The following SIPA1L1 variants were observed in gnomAD, a reference collection of about 807,000 sequenced individuals.
SIPA1L1 encodes the protein signal induced proliferation associated 1 like 1.
SIPA1L1 carries 26 observed loss-of-function variants against 162.7 expected under a neutral mutation model. That is an observed-to-expected ratio of 0.16 (90% CI 0.12 to 0.22). The LOEUF (loss-of-function observed/expected upper bound fraction) is 0.22. Among genes scored for constraint, SIPA1L1 ranks in the 10% least tolerant of loss-of-function variants. SIPA1L1 has a pLI of 1.00. For synonymous variants in SIPA1L1, 829 were observed against 837.4 expected (o/e 0.99, Z 0.17); for missense variants, 1,874 against 2,241.0 (o/e 0.84, Z 3.31).
chr14:71,654,947 A>G (rs1323267288), intron 8 of SIPA1L1, among the ~76,000 whole-genome samples: 1 of 152,140 alleles, frequency 6.6e-6, no homozygotes, highest in African/African-American at 2.4e-5. Flanking sequence ...ATTCCTTAGT[A>G]ATATAGTAAA....
At chr14:71,399,744 G>T (rs1371453646) in intron 2 of SIPA1L1, among the ~76,000 whole-genome samples, 1 of 147,444 alleles carries the variant, frequency 6.8e-6, no homozygotes, top group Non-Finnish European at 1.5e-5. Context: ...ATTTTTTTTT[G>T]AGATGCTTGC....
chr14:71,664,756 A>G (rs774427066), intron 10 of SIPA1L1, among the ~76,000 whole-genome samples: 61 of 152,306 alleles, frequency 4.0e-4, no homozygotes, highest in Admixed American at 2.6e-3. Context: ...ACTTACACCT[A>G]CCTGGTATCT....
chr14:71,552,072 C>T (rs1371644568), intron 4 of SIPA1L1, among the ~76,000 whole-genome samples: 1 of 152,138 alleles, frequency 6.6e-6, no homozygotes, highest in East Asian at 1.9e-4. Context: ...AGACTGTAAG[C>T]CCCTCAAGAG....
Position 71,493,522 on chromosome 14 carries a change from G to C in SIPA1L1, c.-464-19221G>C, listed in dbSNP as rs150200061. ...GAAACAATTAAATTGATTAACCAGA[G>C]TGACTGAGGAGACTTTCATTATGTT... On this transcript the variant is annotated intron_variant, in intron 2 of 23. Coordinates refer to ENST00000381232, the MANE Select transcript of SIPA1L1 (RefSeq NM_001386936.1). Among the ~76,000 whole-genome samples the C allele has an allele frequency of 1.8e-4, 27 of 152,326 alleles. No homozygotes were observed. In the East Asian group the frequency reaches 1.9e-3, roughly 11 times the overall value.
At position 71,320,833 on chromosome 14, in the gene SIPA1L1, G is replaced by A. The variant is rs901567669; in HGVS notation, c.-524-289G>A. 3.9e-5 allele frequency among the ~76,000 whole-genome samples: 6 copies of A among 152,158 alleles called. No individual in the cohort carries two copies. In the South Asian group the frequency reaches 1.2e-3, roughly 32 times the overall value. The stretch of plus-strand genomic sequence containing the variant: ...GATGGGGGCGCTGAGCCTCGGGGAC[G>A]GCGCGAGCGGGGGCCCGGGCGCCTA... On this transcript the variant is annotated intron_variant, in intron 1 of 23. Coordinates refer to ENST00000381232, the MANE Select transcript of SIPA1L1 (RefSeq NM_001386936.1).
At chr14:71,667,998 G>C (rs2044178781) in intron 10 of SIPA1L1, among the ~76,000 whole-genome samples, 1 of 152,098 alleles carries the variant, frequency 6.6e-6, no homozygotes, top group Non-Finnish European at 1.5e-5. Context: ...CCAGGAGGCA[G>C]AGGTTGCAGT....
chr14:71,642,158 G>A (rs1475458812), intron 7 of SIPA1L1, among the ~76,000 whole-genome samples: 1 of 152,146 alleles, frequency 6.6e-6, no homozygotes, highest in African/African-American at 2.4e-5. Flanking sequence ...TATAATGTTG[G>A]ACATCAGGCA....
intron 4 of SIPA1L1, among the ~76,000 whole-genome samples, chr14:71,531,608 A>C (rs1416280530): frequency 6.6e-6 from 1 of 152,054 alleles, no homozygotes; most frequent in Non-Finnish European, 1.5e-5. Flanking sequence ...TCTGTTGCCC[A>C]GGCGGGAGTA....
intron 2 of SIPA1L1, among the ~76,000 whole-genome samples, chr14:71,345,479 G>GC (rs894691848): frequency 3.3e-5 from 5 of 152,012 alleles, no homozygotes; most frequent in Non-Finnish European, 7.4e-5. Context: ...GGGGAGCTTT[G>GC]CCAAAGCATA....
chr14:71,324,439 C>A (rs2033546403), intron 2 of SIPA1L1, among the ~76,000 whole-genome samples: 1 of 152,136 alleles, frequency 6.6e-6, no homozygotes, highest in Non-Finnish European at 1.5e-5. Context: ...TTACTACTTT[C>A]TCCCCCCACT....
At chr14:71,713,703 T>C (rs147339329) in intron 17 of SIPA1L1, among the ~76,000 whole-genome samples, 1 of 152,334 alleles carries the variant, frequency 6.6e-6, no homozygotes, top group East Asian at 1.9e-4. Flanking sequence ...ACATTAGGAC[T>C]GCCTCAGGCT....
chr14:71,399,404 T>C (rs1039507406), intron 2 of SIPA1L1, among the ~76,000 whole-genome samples: 5 of 152,206 alleles, frequency 3.3e-5, no homozygotes, highest in Non-Finnish European at 7.3e-5. Context: ...AATGCACTTT[T>C]GTTGCTGCTG....
intron 13 of SIPA1L1, among the ~76,000 whole-genome samples, chr14:71,687,834 C>T (rs2080981856): frequency 6.6e-6 from 1 of 152,144 alleles, no homozygotes; most frequent in African/African-American, 2.4e-5. Context: ...TTGTGACTCT[C>T]TAAGCTGCAG....
At chr14:71,643,531 G>A (rs1477646432) in intron 7 of SIPA1L1, among the ~76,000 whole-genome samples, 1 of 152,120 alleles carries the variant, frequency 6.6e-6, no homozygotes, top group Non-Finnish European at 1.5e-5. Context: ...ACATGTTTGT[G>A]AAAAAAGTTT....
chr14:71,485,298 A>G (rs1048853679), intron 2 of SIPA1L1, among the ~76,000 whole-genome samples: 5 of 152,224 alleles, frequency 3.3e-5, no homozygotes. Flanking sequence ...CCCCCGGACC[A>G]CGGACCAGTA....
At chr14:71,738,858 G>A (rs2085560577) in intron 23 of SIPA1L1, among the ~76,000 whole-genome samples, 160 bp from the exon 24 acceptor site, 1 of 152,140 alleles carries the variant, frequency 6.6e-6, no homozygotes, top group Non-Finnish European at 1.5e-5. Flanking sequence ...TGAGCTTAGA[G>A]TGTCTTAGCA....
chr14:71,421,359 G>T (rs2043175843), intron 2 of SIPA1L1, among the ~76,000 whole-genome samples: 1 of 152,144 alleles, frequency 6.6e-6, no homozygotes, highest in Admixed American at 6.5e-5. Context: ...TTGGGAGGCT[G>T]AGGCAGGAGG....
Position 71,671,386 on chromosome 14 carries a change from G to A in SIPA1L1, c.2523G>A (p.Lys841=). Reference sequence around the variant, plus strand: ...CGTTCATCTCTCTGGCTTCCAAGAAGAAGGAAAAGTCTAAGCCATATCCAG... The same window carrying A: ...CGTTCATCTCTCTGGCTTCCAAGAAAAAGGAAAAGTCTAAGCCATATCCAG... ...KFPFISLASK[K]KEKSKPYPGA... The change falls in exon 11 of 24, where the codon AAG becomes AAA. Residue 841 remains lysine, a synonymous_variant. Transcript: ENST00000381232. The A allele has an allele frequency of 6.2e-7, 1 of 1,614,216 alleles. No individual in the cohort carries two copies. The highest frequency in any genetic ancestry group is 1.1e-5 in the South Asian group (1 of 91,080).
At chr14:71,332,052 G>A (rs1372177374) in intron 2 of SIPA1L1, among the ~76,000 whole-genome samples, 3 of 152,150 alleles carry the variant, frequency 2.0e-5, no homozygotes, top group African/African-American at 7.2e-5. Context: ...GGGACATTTG[G>A]TAGAATTTCC....
Sources: gnomAD v4.1 joint callset for allele counts (sites outside exome capture counted in the v4.1 genomes callset) on GRCh38, gnomAD v4.1.1 for gene constraint, MANE v1.5 for transcripts, NCBI Gene and HGNC (gene_info 2026-07-23, HGNC 2026-07-21) for gene names.